The following FGF2 variants were observed in gnomAD, a reference collection of about 807,000 sequenced individuals.
FGF2 encodes the protein fibroblast growth factor 2, also known as basic fibroblast growth factor bFGF.
FGF2 carries 13 observed loss-of-function variants against 15.9 expected under a neutral mutation model. The ratio of observed to expected loss-of-function variants is 0.82; its 90% CI spans 0.53 to 1.30. The LOEUF (loss-of-function observed/expected upper bound fraction) is 1.30. Among genes scored for constraint, FGF2 ranks in the 50% most tolerant of loss-of-function variants. FGF2 has a pLI of 0.00. For synonymous variants in FGF2, 90 were observed against 78.4 expected (o/e 1.15, Z -0.78); for missense variants, 163 against 196.9 (o/e 0.83, Z 1.03).
chr4:122,875,748 AGTGAGCC>A (rs1560753667), intron 1 of FGF2, among the ~76,000 whole-genome samples: 1 of 152,226 alleles, frequency 6.6e-6, no homozygotes, highest in African/African-American at 2.4e-5. Context: ...CAGAGGTTGC[AGTGAGCC>A]GTGATTGTGC....
intron 1 of FGF2, among the ~76,000 whole-genome samples, chr4:122,858,654 T>C (rs1726389307): frequency 6.6e-6 from 1 of 152,178 alleles, no homozygotes; most frequent in Non-Finnish European, 1.5e-5. Flanking sequence ...TGCCTTGTCC[T>C]CCCAAAGTGC....
At chr4:122,850,631 CAAAAT>C (rs1192517564) in intron 1 of FGF2, among the ~76,000 whole-genome samples, 3 of 152,090 alleles carry the variant, frequency 2.0e-5, no homozygotes, top group Non-Finnish European at 2.9e-5. Context: ...AAAACAAAAA[CAAAAT>C]AAAGTGAGAA....
intron 1 of FGF2, among the ~76,000 whole-genome samples, chr4:122,850,000 G>A (rs1428362698): frequency 1.3e-5 from 2 of 152,184 alleles, no homozygotes; most frequent in African/African-American, 2.4e-5. Context: ...GGTGGCTCAC[G>A]CCTGTAATCC....
At chr4:122,873,036 A>G (rs549943960) in intron 1 of FGF2, among the ~76,000 whole-genome samples, 1 of 152,332 alleles carries the variant, frequency 6.6e-6, no homozygotes, top group Middle Eastern at 3.4e-3. Flanking sequence ...CTATTTTTCT[A>G]ATTATCCTAT....
chr4:122,890,309 G>T (rs1727141113), intron 2 of FGF2, among the ~76,000 whole-genome samples: 2 of 152,248 alleles, frequency 1.3e-5, no homozygotes, highest in South Asian at 4.1e-4. Flanking sequence ...AGACAGTCCT[G>T]TGTTTCATAT....
intron 1 of FGF2, among the ~76,000 whole-genome samples, chr4:122,874,176 A>G (rs777030514): frequency 5.3e-5 from 8 of 152,248 alleles, no homozygotes; most frequent in Non-Finnish European, 1.2e-4. Flanking sequence ...TGCATTCTTC[A>G]TTAAAATGGC....
intron 1 of FGF2, among the ~76,000 whole-genome samples, chr4:122,837,989 A>G (rs1725900002): frequency 6.6e-6 from 1 of 152,180 alleles, no homozygotes; most frequent in Non-Finnish European, 1.5e-5. Flanking sequence ...ATATATATCT[A>G]CATTACTCTG....
At position 122,892,756 on chromosome 4, in the gene FGF2, A is replaced by G. The variant is rs1727221753; in HGVS notation, c.*360A>G. The G allele has an allele frequency of 2.1e-5, 29 of 1,389,488 alleles. 3 individuals are homozygous for G. The South Asian group carries it at 4.3e-4, about 21-fold the overall frequency. 86.1% of individuals were successfully genotyped at this position (1,389,488 alleles called of 1,614,324 possible). On this transcript the variant is annotated 3_prime_UTR_variant, in exon 3 of 3. Transcript: ENST00000644866. ...TTAGAAAATCACAGTCAGATGTTTA[A>G]TCAATCCAAAATGTCCACTATTTCT...
At chr4:122,857,391 A>G (rs76094099) in intron 1 of FGF2, among the ~76,000 whole-genome samples, 2,388 of 152,276 alleles carry the variant, frequency 0.016, 70 homozygotes, top group African/African-American at 0.055. Context: ...GCTGCTGTGC[A>G]GTTCTTTGCC....
intron 1 of FGF2, among the ~76,000 whole-genome samples, chr4:122,870,406 T>C (rs1216768338): frequency 6.6e-6 from 1 of 152,204 alleles, no homozygotes; most frequent in Non-Finnish European, 1.5e-5. Flanking sequence ...AGGAATGATA[T>C]CAGCTCTTCT....
chr4:122,880,913 T>C (rs187136805), intron 2 of FGF2, among the ~76,000 whole-genome samples: 2 of 152,316 alleles, frequency 1.3e-5, no homozygotes, highest in South Asian at 2.1e-4. Context: ...CTGCGCAAAC[T>C]TCTGCCTGGG....
At chr4:122,859,767 C>T (rs1436746510) in intron 1 of FGF2, among the ~76,000 whole-genome samples, 1 of 152,180 alleles carries the variant, frequency 6.6e-6, no homozygotes, top group East Asian at 1.9e-4. Context: ...CCAGGTCTGA[C>T]TCCAAAATTC....
intron 2 of FGF2, among the ~76,000 whole-genome samples, chr4:122,890,997 G>A (rs1283851978): frequency 2.7e-5 from 4 of 150,562 alleles, no homozygotes; most frequent in African/African-American, 9.7e-5. Context: ...GCTACCCTGT[G>A]AAGTTGCTTT....
intron 1 of FGF2, among the ~76,000 whole-genome samples, chr4:122,866,613 C>G (rs1578469398): frequency 6.6e-6 from 1 of 152,146 alleles, no homozygotes; most frequent in Non-Finnish European, 1.5e-5. Flanking sequence ...CGAAGAAATG[C>G]AAATCAAAAC....
intron 1 of FGF2, among the ~76,000 whole-genome samples, chr4:122,862,498 T>A (rs1255711853): frequency 2.0e-5 from 3 of 152,216 alleles, no homozygotes; most frequent in Non-Finnish European, 4.4e-5. Context: ...AACTAATGTG[T>A]TGAGTGCCAA....
At chr4:122,846,439 A>G (rs1366727317) in intron 1 of FGF2, among the ~76,000 whole-genome samples, 1 of 152,244 alleles carries the variant, frequency 6.6e-6, no homozygotes, top group Non-Finnish European at 1.5e-5. Flanking sequence ...TGCAAATCAC[A>G]GTAAAACAAG....
Position 122,827,059 on chromosome 4 carries a change from G to C in FGF2, c.-116G>C, listed in dbSNP as rs1032038394. On this transcript the variant is annotated 5_prime_UTR_variant, in exon 1 of 3. Coordinates refer to ENST00000644866, the MANE Select transcript of FGF2 (RefSeq NM_001361665.2). This position sits in a 1 kb window ranked among gnomAD's most constrained non-coding sequence, Gnocchi z 4.2. The stretch of plus-strand genomic sequence containing the variant: ...GCGCTGCCGGGCGGGAGGCTGGGGG[G>C]CCGGGGCCGGGGCCGTGCCCCGGAG... 1 of 1,090,576 alleles carries C rather than the reference G, an allele frequency of 9.2e-7. No homozygotes were observed. The highest frequency in any genetic ancestry group is 1.1e-6 in the Non-Finnish European group (1 of 899,394). The allele number at this position is 1,090,576 out of a possible 1,614,324, so 67.6% of individuals were successfully genotyped here. A position where few individuals can be genotyped will look rare whatever the true frequency, so the allele number is the denominator to read the frequency against.
intron 1 of FGF2, among the ~76,000 whole-genome samples, chr4:122,860,051 T>A (rs1308648230): frequency 1.3e-5 from 2 of 152,194 alleles, no homozygotes; most frequent in Admixed American, 1.3e-4. Flanking sequence ...TTTCATTAAA[T>A]TTGTAAACTA....
intron 1 of FGF2, among the ~76,000 whole-genome samples, chr4:122,838,023 G>C (rs3804150): frequency 0.22 from 32,696 of 152,036 alleles, 4,703 homozygotes; most frequent in African/African-American, 0.4. Flanking sequence ...GAGTATAATT[G>C]AAGTGAGATT....
Sources: gnomAD v4.1 joint callset for allele counts (sites outside exome capture counted in the v4.1 genomes callset) on GRCh38, gnomAD v4.1.1 for gene constraint, Gnocchi (gnomAD v3.1) non-coding constraint, MANE v1.5 for transcripts, NCBI Gene and HGNC (gene_info 2026-07-23, HGNC 2026-07-21) for gene names.